Variants in ATP10B observed in about 807,000 individuals in gnomAD.
ATP10B encodes phospholipid-transporting ATPase VB.
Under a neutral mutation model 141.2 loss-of-function variants are expected in ATP10B, and 122 were observed. The observed-to-expected ratio is 0.86, with a 90% CI of 0.75 to 1.00. The LOEUF (loss-of-function observed/expected upper bound fraction) is 1.00. Ranked by LOEUF, ATP10B falls within the 50% of genes least tolerant of loss-of-function variation. ATP10B has a pLI of 0.00. For missense variants in ATP10B, 1,876 were observed against 1,825.3 expected (o/e 1.03, Z -0.51); for synonymous variants, 685 against 692.0 (o/e 0.99, Z 0.16).
the ATP10B span, among the ~76,000 whole-genome samples, chr5:160,917,719 G>T: frequency 2.0e-5 from 3 of 152,262 alleles, no homozygotes; most frequent in South Asian, 6.2e-4. Context: ...ACATATTCTT[G>T]CAGACAGAAC....
intron 21 of ATP10B, among the ~76,000 whole-genome samples, chr5:160,601,898 G>T (rs1452140047): frequency 6.6e-6 from 1 of 152,144 alleles, no homozygotes; most frequent in Non-Finnish European, 1.5e-5. Flanking sequence ...GAAGTGATAT[G>T]CAAGTCCCAA....
At chr5:160,918,948 G>T in the ATP10B span, among the ~76,000 whole-genome samples, 1 of 151,124 alleles carries the variant, frequency 6.6e-6, no homozygotes, top group Non-Finnish European at 1.5e-5. Context: ...GGAGTGGGCC[G>T]GGCGCGGTGG....
At chr5:160,747,143 A>T (rs1767859007) in intron 2 of ATP10B, among the ~76,000 whole-genome samples, 1 of 152,174 alleles carries the variant, frequency 6.6e-6, no homozygotes, top group Non-Finnish European at 1.5e-5. Flanking sequence ...TTTTGCTCTT[A>T]TCCAGGGCAT....
At chr5:160,768,344 T>C (rs779005411) in intron 2 of ATP10B, among the ~76,000 whole-genome samples, 5 of 152,346 alleles carry the variant, frequency 3.3e-5, no homozygotes, top group Non-Finnish European at 7.3e-5. Context: ...TAAATTCATA[T>C]GGCTGAAAAA....
At chr5:160,866,779 G>A in the ATP10B span, among the ~76,000 whole-genome samples, 4 of 151,982 alleles carry the variant, frequency 2.6e-5, no homozygotes. Flanking sequence ...CTACATATTG[G>A]GTACAGTATA....
At chr5:160,652,596 C>A (rs1760829804) in intron 7 of ATP10B, among the ~76,000 whole-genome samples, 1 of 142,606 alleles carries the variant, frequency 7.0e-6, no homozygotes, top group Non-Finnish European at 1.5e-5. Flanking sequence ...GTAGCTGGGA[C>A]TACAGGCGTG....
chr5:160,922,418 TTA>T, the ATP10B span, among the ~76,000 whole-genome samples: 1 of 152,164 alleles, frequency 6.6e-6, no homozygotes, highest in African/African-American at 2.4e-5. Context: ...AATAGAAATA[TTA>T]TAGTTTCAGA....
chr5:160,591,610 C>T (rs1756299028), intron 22 of ATP10B, among the ~76,000 whole-genome samples: 1 of 152,192 alleles, frequency 6.6e-6, no homozygotes, highest in Non-Finnish European at 1.5e-5. Context: ...ACAGGTTCCC[C>T]CAAGTTTCTG....
chr5:160,787,279 G>C lies in ATP10B; in HGVS notation c.-575-1476C>G, dbSNP rs114689785. Among the ~76,000 whole-genome samples, 889 of 152,272 alleles carry C rather than the reference G, an allele frequency of 5.8e-3. 6 individuals carry two copies. Among genetic ancestry groups the C allele is most frequent in the African/African-American group, 0.019 (804 of 41,560 alleles). On this transcript the variant is annotated intron_variant, in intron 1 of 25. Transcript: ENST00000327245. ...CCACACAAGGACACAAGCTGAATCTGAGTGGTGTCTACAGGGTTCAGGCAG... is the reference window on the plus strand; with the variant it reads ...CCACACAAGGACACAAGCTGAATCTCAGTGGTGTCTACAGGGTTCAGGCAG...
intron 14 of ATP10B, among the ~76,000 whole-genome samples, chr5:160,621,388 G>A (rs1403157296): frequency 2.6e-5 from 4 of 152,294 alleles, no homozygotes; most frequent in South Asian, 2.1e-4. Context: ...AGGTCTCCTC[G>A]ACTCCAGAGG....
At chr5:160,577,952 T>C (rs1209677526) in intron 24 of ATP10B, among the ~76,000 whole-genome samples, 1 of 152,170 alleles carries the variant, frequency 6.6e-6, no homozygotes, top group African/African-American at 2.4e-5. Flanking sequence ...TTCTATTTTT[T>C]CATCTATTTG....
intron 1 of ATP10B, among the ~76,000 whole-genome samples, chr5:160,803,261 T>C (rs1357280974): frequency 1.3e-5 from 2 of 152,230 alleles, no homozygotes; most frequent in African/African-American, 2.4e-5. Flanking sequence ...TGTTGACCAC[T>C]ACCCCAGTTA....
chr5:160,599,086 G>C (rs1025485128), intron 21 of ATP10B, 116 bp from the exon 22 acceptor site: 2 of 824,198 alleles, frequency 2.4e-6, no homozygotes, highest in African/African-American at 3.4e-5. Flanking sequence ...ATAACACACA[G>C]GGTTATGTAA....
intron 1 of ATP10B, among the ~76,000 whole-genome samples, chr5:160,806,594 G>T (rs1046705592): frequency 3.3e-5 from 5 of 152,202 alleles, no homozygotes; most frequent in Non-Finnish European, 7.3e-5. Context: ...CTAAGGAAGG[G>T]GGGGATAATG....
At chr5:160,773,081 ACT>A (rs1770025681) in intron 2 of ATP10B, among the ~76,000 whole-genome samples, 1 of 151,932 alleles carries the variant, frequency 6.6e-6, no homozygotes, top group Admixed American at 6.6e-5. Flanking sequence ...TTGTTAATTA[ACT>A]CTGTGGTTCT....
chr5:160,651,112 G>T (rs896593448), intron 7 of ATP10B, among the ~76,000 whole-genome samples: 3 of 152,104 alleles, frequency 2.0e-5, no homozygotes, highest in African/African-American at 7.2e-5. Flanking sequence ...CAAGCTTACC[G>T]TCATTCTATG....
chr5:160,731,603 G>T (rs1450378994), intron 2 of ATP10B, among the ~76,000 whole-genome samples: 1 of 152,182 alleles, frequency 6.6e-6, no homozygotes, highest in Non-Finnish European at 1.5e-5. Flanking sequence ...GCTGGTTTTG[G>T]CCTGGGTGCC....
chr5:160,573,858 G>T (rs145255647), intron 24 of ATP10B, among the ~76,000 whole-genome samples: 2 of 152,100 alleles, frequency 1.3e-5, no homozygotes, highest in South Asian at 2.1e-4. Flanking sequence ...TGAACAGGCC[G>T]CAACTTATTT....
intron 3 of ATP10B, 95 bp from the exon 4 acceptor site, chr5:160,689,038 G>C: frequency 1.6e-6 from 1 of 609,994 alleles, no homozygotes; most frequent in Non-Finnish European, 2.1e-6. Flanking sequence ...CCACCATCGA[G>C]TCAGCTTCAT....
Sources: allele counts gnomAD v4.1 joint callset (sites outside exome capture counted in the v4.1 genomes callset), GRCh38; gene constraint gnomAD v4.1.1; transcripts MANE v1.5; gene names NCBI Gene and HGNC (gene_info 2026-07-23, HGNC 2026-07-21).